ATL2: variants seen among roughly 807,000 people sequenced by gnomAD.
ATL2 encodes the protein atlastin-2.
Under a neutral mutation model 73.9 loss-of-function variants are expected in ATL2, and 31 were observed. The observed-to-expected ratio is 0.42, with a 90% CI of 0.32 to 0.57. ATL2 has a LOEUF of 0.57. ATL2 is among the 20% of genes least tolerant of loss of function. The probability of loss-of-function intolerance (pLI) is 0.14; values close to 1 mark genes in which losing one functional copy is unlikely to be tolerated. For synonymous variants in ATL2, 291 were observed against 237.5 expected, an observed-to-expected ratio of 1.23 and a Z score of -2.07; for missense variants, 738 against 702.6, an observed-to-expected ratio of 1.05 and a Z score of -0.57.
chr2:38,323,715 A>G (rs1668451914), intron 2 of ATL2, among the ~76,000 whole-genome samples: 1 of 152,104 alleles, frequency 6.6e-6, no homozygotes, highest in Non-Finnish European at 1.5e-5. Context: ...GAGAAAGAAA[A>G]CGAGACAGAC....
At chr2:38,308,657 T>C in intron 9 of ATL2, among the ~76,000 whole-genome samples, 1 of 152,068 alleles carries the variant, frequency 6.6e-6, no homozygotes, top group Non-Finnish European at 1.5e-5. Context: ...ATGGACACCC[T>C]ATTTACTCTA....
chr2:38,349,028 T>C (rs894579462), intron 1 of ATL2, among the ~76,000 whole-genome samples: 3 of 150,888 alleles, frequency 2.0e-5, no homozygotes, highest in African/African-American at 7.3e-5. Flanking sequence ...AAACAACAGG[T>C]GCTGGAGAGG....
At chr2:38,372,571 C>A (rs896647337) in intron 1 of ATL2, among the ~76,000 whole-genome samples, 1 of 152,146 alleles carries the variant, frequency 6.6e-6, no homozygotes, top group Non-Finnish European at 1.5e-5. Flanking sequence ...CATATGAAAT[C>A]CTGCAATTGA....
chr2:38,356,484 C>T (rs10208506), intron 1 of ATL2, among the ~76,000 whole-genome samples: 4 of 152,064 alleles, frequency 2.6e-5, no homozygotes, highest in South Asian at 4.1e-4. Flanking sequence ...TGAGCCACCA[C>T]GCCTGGCCCA....
intron 1 of ATL2, chr2:38,376,254 A>AG (rs1671957559): frequency 7.0e-7 from 1 of 1,425,734 alleles, no homozygotes; most frequent in South Asian, 1.5e-5. Flanking sequence ...TCCTATAAAT[A>AG]GGGGTGTTAT....
intron 2 of ATL2, among the ~76,000 whole-genome samples, chr2:38,340,412 G>C (rs905389007): frequency 1.1e-4 from 16 of 152,052 alleles, no homozygotes; most frequent in Admixed American, 8.5e-4. Context: ...TTAGAAGTGG[G>C]GGGGGCAGGG....
intron 2 of ATL2, among the ~76,000 whole-genome samples, 168 bp downstream of exon 2, chr2:38,343,100 A>T (rs1669818380): frequency 7.0e-6 from 1 of 141,886 alleles, no homozygotes; most frequent in Non-Finnish European, 1.5e-5. Flanking sequence ...GTGAGCCGTG[A>T]TCACACCACT....
At chr2:38,317,125 G>C (rs1192626608) in intron 4 of ATL2, among the ~76,000 whole-genome samples, 1 of 152,022 alleles carries the variant, frequency 6.6e-6, no homozygotes, top group Non-Finnish European at 1.5e-5. Context: ...AGAGAGACGA[G>C]TCATATGTTC....
intron 1 of ATL2, among the ~76,000 whole-genome samples, chr2:38,345,943 G>C (rs1669993818): frequency 6.6e-6 from 1 of 152,222 alleles, no homozygotes; most frequent in South Asian, 2.1e-4. Context: ...ATGCTACGCA[G>C]TAAGCACCAT....
chr2:38,342,844 C>T (rs536507217), intron 2 of ATL2, among the ~76,000 whole-genome samples: 1 of 151,780 alleles, frequency 6.6e-6, no homozygotes, highest in African/African-American at 2.4e-5. Context: ...GGAATTATGG[C>T]GATGAAGAAT....
At chr2:38,355,342 G>A (rs1670596122) in intron 1 of ATL2, among the ~76,000 whole-genome samples, 1 of 152,106 alleles carries the variant, frequency 6.6e-6, no homozygotes, top group Non-Finnish European at 1.5e-5. Flanking sequence ...GGTCAGGCTG[G>A]TCTTGAACTT....
chr2:38,335,674 CAT>C (rs201116346), intron 2 of ATL2, among the ~76,000 whole-genome samples: 104 of 151,462 alleles, frequency 6.9e-4, no homozygotes, highest in African/African-American at 2.4e-3. Context: ...GTTACTATAA[CAT>C]ATATATATAT....
At chr2:38,370,025 G>C (rs373933630) in intron 1 of ATL2, among the ~76,000 whole-genome samples, 135 of 150,944 alleles carry the variant, frequency 8.9e-4, no homozygotes, top group African/African-American at 3.2e-3. Context: ...GAGGTGGCGG[G>C]CGCCTGTAGT....
At chr2:38,357,449 G>T (rs1041654795) in intron 1 of ATL2, among the ~76,000 whole-genome samples, 6 of 138,004 alleles carry the variant, frequency 4.3e-5, no homozygotes, top group Non-Finnish European at 7.9e-5. Context: ...TGGGATTAAG[G>T]AAAAAAAAAA....
chr2:38,345,955 G>A (rs1308981747), intron 1 of ATL2, among the ~76,000 whole-genome samples: 1 of 152,170 alleles, frequency 6.6e-6, no homozygotes, highest in Non-Finnish European at 1.5e-5. Flanking sequence ...AAGCACCATA[G>A]GTGTAAGTTA....
intron 4 of ATL2, among the ~76,000 whole-genome samples, chr2:38,316,640 T>G (rs373823159): frequency 6.6e-6 from 1 of 152,288 alleles, no homozygotes; most frequent in East Asian, 1.9e-4. Context: ...CAAAGCACTT[T>G]CATATGCATT....
intron 1 of ATL2, among the ~76,000 whole-genome samples, chr2:38,357,041 T>C (rs1670707755): frequency 6.6e-6 from 1 of 152,068 alleles, no homozygotes; most frequent in South Asian, 2.1e-4. Context: ...ATTTAAAAGG[T>C]TTAGCCGGCT....
intron 2 of ATL2, among the ~76,000 whole-genome samples, chr2:38,329,121 T>C (rs1311815386): frequency 7.0e-6 from 1 of 143,342 alleles, no homozygotes; most frequent in Non-Finnish European, 1.5e-5. Flanking sequence ...CTAGATCATC[T>C]ATTTAAAAAA....
intron 2 of ATL2, among the ~76,000 whole-genome samples, chr2:38,339,069 A>T (rs1397004207): frequency 1.3e-5 from 2 of 152,184 alleles, no homozygotes; most frequent in East Asian, 3.9e-4. Context: ...TACAAAAATT[A>T]GCTGTGTGTG....
Sources: allele counts gnomAD v4.1 joint callset (sites outside exome capture counted in the v4.1 genomes callset), GRCh38; gene constraint gnomAD v4.1.1; transcripts MANE v1.5; gene names NCBI Gene and HGNC (gene_info 2026-07-23, HGNC 2026-07-21).